The following HAT1 variants were observed in gnomAD, a reference collection of about 807,000 sequenced individuals.
HAT1 encodes histone acetyltransferase type B catalytic subunit.
In HAT1, 20 loss-of-function variants were observed where a neutral mutation model predicts 56.6. That is an observed-to-expected ratio of 0.35 (90% CI 0.25 to 0.51). The LOEUF (loss-of-function observed/expected upper bound fraction) is 0.51, where lower values mean the gene tolerates loss of function less well. HAT1 is among the 20% of genes least tolerant of loss of function. The pLI, the probability that HAT1 is intolerant of heterozygous loss-of-function variation, is 0.95. For synonymous variants in HAT1, 146 were observed against 165.5 expected, an observed-to-expected ratio of 0.88 and a Z score of 0.91; for missense variants, 408 against 504.3, an observed-to-expected ratio of 0.81 and a Z score of 1.83.
chr2:171,926,419 G>A (rs1455893703), intron 2 of HAT1, among the ~76,000 whole-genome samples: 2 of 152,068 alleles, frequency 1.3e-5, no homozygotes, highest in South Asian at 2.1e-4. Context: ...TCAGCCTCCC[G>A]TGTAGCTGGG....
chr2:171,978,682 G>T (rs941196324), intron 9 of HAT1, among the ~76,000 whole-genome samples: 1 of 152,084 alleles, frequency 6.6e-6, no homozygotes, highest in South Asian at 2.1e-4. Context: ...TAATAACTCA[G>T]CTTCTTGATT....
chr2:171,953,231 A>T (rs1687352255), intron 4 of HAT1, among the ~76,000 whole-genome samples: 1 of 152,014 alleles, frequency 6.6e-6, no homozygotes, highest in African/African-American at 2.4e-5. Flanking sequence ...CTGTAATTCC[A>T]GCTACTCAGG....
chr2:171,975,749 T>G (rs1687946145), intron 8 of HAT1, among the ~76,000 whole-genome samples: 1 of 152,146 alleles, frequency 6.6e-6, no homozygotes, highest in African/African-American at 2.4e-5. Flanking sequence ...TTTCTCTCTT[T>G]TTTTTCAGTC....
chr2:171,936,832 T>C (rs762246318), intron 2 of HAT1, among the ~76,000 whole-genome samples: 4 of 152,178 alleles, frequency 2.6e-5, no homozygotes, highest in Non-Finnish European at 4.4e-5. Flanking sequence ...GGATTATGAA[T>C]AAACTTAGAT....
At chr2:171,937,866 TCAAA>T (rs1339591982) in intron 2 of HAT1, among the ~76,000 whole-genome samples, 2 of 151,966 alleles carry the variant, frequency 1.3e-5, no homozygotes, top group Non-Finnish European at 2.9e-5. Flanking sequence ...TTAAAAAAAA[TCAAA>T]CAATTAGCCA....
chr2:171,934,754 GT>G (rs71013091), intron 2 of HAT1, among the ~76,000 whole-genome samples: 10,630 of 128,294 alleles, frequency 0.083, 506 homozygotes, highest in Admixed American at 0.19. Context: ...ACTAGAGTGG[GT>G]TTTTTTTTTT....
At chr2:171,960,317 A>C (rs1006250043) in intron 4 of HAT1, among the ~76,000 whole-genome samples, 1 of 152,136 alleles carries the variant, frequency 6.6e-6, no homozygotes, top group African/African-American at 2.4e-5. Context: ...AAAAAACGAG[A>C]ACCCCATTGC....
At position 171,925,572 on chromosome 2, in the gene HAT1, AAG is replaced by A; in HGVS notation, c.46_47del (p.Ser16CysfsTer12). The part of the protein sequence containing the change: ...GAMEKFLVEY[K>X]SAVEKKLAEY... ...TATGGAGAAATTTTTGGTAGAATAT[AAG>A]AGTGCAGTGGAGAAGAAACTGGCAG... On this transcript the variant is annotated frameshift_variant, in exon 2 of 11. Coordinates refer to ENST00000264108, the MANE Select transcript of HAT1 (RefSeq NM_003642.4). LOFTEE classifies it high-confidence loss of function. 1 of 1,576,492 alleles carries A rather than the reference AAG, an allele frequency of 6.3e-7. No individual in the cohort carries two copies. Among genetic ancestry groups the A allele is most frequent in the Non-Finnish European group, 8.7e-7 (1 of 1,145,766 alleles).
At chr2:171,945,344 G>C (rs1687131990) in intron 2 of HAT1, among the ~76,000 whole-genome samples, 1 of 151,982 alleles carries the variant, frequency 6.6e-6, no homozygotes, top group Admixed American at 6.6e-5. Flanking sequence ...AATTGAAGTC[G>C]AGGGTACAGA....
chr2:171,965,775 C>G lies in HAT1; in HGVS notation c.490-12C>G. The G allele has an allele frequency of 6.2e-7, 1 of 1,610,792 alleles. No homozygotes were observed. The highest frequency in any genetic ancestry group is 1.1e-5 in the South Asian group (1 of 90,404). ...ATGAGTTTCACCTGACTTTTCCTGG[C>G]TTTTTCCCTAGGCTGACATGACATG... On this transcript the variant is annotated splice_polypyrimidine_tract_variant and intron_variant, in intron 5 of 10. Transcript: ENST00000264108.
chr2:171,967,072 T>A (rs1040296554), intron 8 of HAT1, 123 bp downstream of exon 8: 47 of 586,818 alleles, frequency 8.0e-5, no homozygotes, highest in Non-Finnish European at 1.3e-4. Flanking sequence ...GTTTAAGCCA[T>A]CTAAAGATGG....
chr2:171,953,188 C>A (rs541525953), intron 4 of HAT1, among the ~76,000 whole-genome samples, 187 bp downstream of exon 4: 35 of 151,792 alleles, frequency 2.3e-4, no homozygotes, highest in African/African-American at 8.0e-4. Flanking sequence ...CTCAAAAAAA[C>A]CACAAAAATT....
In HAT1 at chr2:171,952,938, C is replaced by T. The variant is rs1687344336; in HGVS notation, c.246C>T (p.Ser82=). 3 of 1,587,496 alleles carry T rather than the reference C, an allele frequency of 1.9e-6. No homozygotes were observed. Among genetic ancestry groups the T allele is most frequent in the Non-Finnish European group, 2.6e-6 (3 of 1,156,418 alleles). Reference sequence around the variant, plus strand: ...TCCTGTTATACTATATTGCTGGTAGCCTGTCAACAATGTTCCGTGTTGAAT... The same window carrying T: ...TCCTGTTATACTATATTGCTGGTAGTCTGTCAACAATGTTCCGTGTTGAAT... ...LKILLYYIAG[S]LSTMFRVEYA... is the part of the protein sequence containing the mutation. Residue 82 remains serine (S), a synonymous_variant, in exon 4 of 11, where the codon AGC becomes AGT. Coordinates refer to ENST00000264108, the MANE Select transcript of HAT1 (RefSeq NM_003642.4).
rs111370254 is a variant in HAT1 at position 171,952,443 on chromosome 2, T to C, written c.189-438T>C. 3.5e-4 allele frequency among the ~76,000 whole-genome samples: 53 copies of C among 152,324 alleles called. 2 individuals are homozygous for C. The highest frequency in any genetic ancestry group is 1.3e-3 in the African/African-American group (53 of 41,572). ...CAGGTGCTATTGCTGCAGCTCTGGA[T>C]TTTGGTGATTCAGTAAGCAGTAAGT... On this transcript the variant is annotated intron_variant, in intron 3 of 10. Transcript: ENST00000264108.
At position 171,946,698 on chromosome 2, in the gene HAT1, C is replaced by T; in HGVS notation, c.113-10C>T. 1 of 1,520,232 alleles carries T rather than the reference C, an allele frequency of 6.6e-7. No homozygotes were observed. Among genetic ancestry groups the T allele is most frequent in the African/African-American group, 1.4e-5 (1 of 72,754 alleles). The allele number at this position is 1,520,232 out of a possible 1,614,324, so 94.2% of individuals were successfully genotyped here. On this transcript the variant is annotated splice_polypyrimidine_tract_variant and intron_variant, in intron 2 of 10. Coordinates refer to ENST00000264108, the MANE Select transcript of HAT1 (RefSeq NM_003642.4). ...CTTTAATATCTCTATTTTTTTGTCC[C>T]TTGAAACAGTTCGTTTTCCTGAAGA...
At chr2:171,977,558 T>TATATATATATATATA (rs1491530330) in intron 9 of HAT1, among the ~76,000 whole-genome samples, 8 of 9,422 alleles carry the variant, frequency 8.5e-4, no homozygotes, top group Admixed American at 2.3e-3. Context: ...TATATATATA[T>TATATATATATATATA]TTTTTTTTTT....
At chr2:171,941,602 C>T (rs1198924810) in intron 2 of HAT1, among the ~76,000 whole-genome samples, 2 of 152,214 alleles carry the variant, frequency 1.3e-5, no homozygotes, top group Non-Finnish European at 2.9e-5. Context: ...AGCCGTCAAC[C>T]TAGATCCCTT....
rs62183764 is a variant in HAT1, at chr2:171,975,380, C to T, written c.824-777C>T. Among the ~76,000 whole-genome samples, 1,483 of 152,264 alleles carry T rather than the reference C, an allele frequency of 9.7e-3. 12 individuals carry two copies. Among genetic ancestry groups the T allele is most frequent in the Non-Finnish European group, 0.016 (1,086 of 68,010 alleles). On this transcript the variant is annotated intron_variant, in intron 8 of 10. Coordinates refer to ENST00000264108, the MANE Select transcript of HAT1 (RefSeq NM_003642.4). ...TCAGCCTTCCAAAGTGCTGGGATTA[C>T]AGGTGTGAGCCACTGTGCCTGGCCT...
rs945516821 is a variant in HAT1 at position 171,925,729 on chromosome 2, T to G, written c.112+88T>G. On this transcript the variant is annotated intron_variant, in intron 2 of 10. Coordinates refer to ENST00000264108, the MANE Select transcript of HAT1 (RefSeq NM_003642.4). Reference sequence around the variant, plus strand: ...TTTAAATTTGAAGTAAAATTTTATGTAAGAGCAGTTATTTATGCAAATGTA... The same window carrying G: ...TTTAAATTTGAAGTAAAATTTTATGGAAGAGCAGTTATTTATGCAAATGTA... 4.0e-5 allele frequency: 24 copies of G among 602,442 alleles called. No individual in the cohort carries two copies. In the African/African-American group the frequency reaches 4.4e-4, roughly 11 times the overall value. 37.3% of individuals were successfully genotyped at this position (602,442 alleles called of 1,614,324 possible).
Sources: gnomAD v4.1 joint callset for allele counts (sites outside exome capture counted in the v4.1 genomes callset) on GRCh38, gnomAD v4.1.1 for gene constraint, MANE v1.5 for transcripts, NCBI Gene and HGNC (gene_info 2026-07-23, HGNC 2026-07-21) for gene names.